TEX11: variants seen among roughly 807,000 people sequenced by gnomAD.
TEX11 encodes the protein testis expressed 11, also known as testis-expressed protein 11.
In TEX11, 7 loss-of-function variants were observed where a neutral mutation model predicts 84.4. That is an observed-to-expected ratio of 0.08 (90% CI 0.05 to 0.16). The LOEUF is 0.16. TEX11 is among the 10% of genes least tolerant of loss of function. The probability of loss-of-function intolerance (pLI) is 1.00; values close to 1 mark genes in which losing one functional copy is unlikely to be tolerated. For missense variants in TEX11, 551 were observed against 660.5 expected (o/e 0.83, Z 1.82); for synonymous variants, 264 against 222.8 (o/e 1.18, Z -1.64).
intron 20 of TEX11, among the ~76,000 whole-genome samples, chrX:70,615,126 G>T (rs1338755695): frequency 3.6e-5 from 4 of 110,777 alleles, no homozygotes; most frequent in Non-Finnish European, 7.5e-5. Context: ...TAATTATTCA[G>T]TGCCCAGATA....
intron 4 of TEX11, among the ~76,000 whole-genome samples, chrX:70,861,269 G>A (rs1190810142): frequency 1.7e-4 from 18 of 106,333 alleles, no homozygotes; most frequent in Non-Finnish European, 3.1e-4. Context: ...CACCGTTTTA[G>A]CCGGGATGGT....
chrX:70,671,910 T>TATATATATATATACACAC lies in TEX11; in HGVS notation c.1243-1397_1243-1396insGTGTGTATATATATATAT, dbSNP rs57166359. 9.4e-3 allele frequency among the ~76,000 whole-genome samples: 637 copies of TATATATATATATACACAC among 67,759 alleles called. 11 individuals are homozygous for TATATATATATATACACAC. Among genetic ancestry groups the TATATATATATATACACAC allele is most frequent in the Non-Finnish European group, 0.016 (551 of 35,189 alleles). The allele number at this position is 67,759 out of a possible 115,157, so 58.8% of individuals were successfully genotyped here. On this transcript the variant is annotated intron_variant, in intron 15 of 29. Transcript: ENST00000374333. ...ATATATATATATATATATATATATA[T>TATATATATATATACACAC]ACACACACACATAGCTAAAACCATC...
intron 7 of TEX11, among the ~76,000 whole-genome samples, chrX:70,850,635 G>A (rs1031835778): frequency 4.6e-5 from 5 of 109,886 alleles, no homozygotes; most frequent in Non-Finnish European, 9.5e-5. Context: ...TACACCCATA[G>A]TCTTACCTAC....
chrX:70,593,030 G>C (rs1178888980), intron 24 of TEX11, among the ~76,000 whole-genome samples: 1 of 106,449 alleles, frequency 9.4e-6, no homozygotes, highest in African/African-American at 3.4e-5. Flanking sequence ...ACAGGCTGTG[G>C]GGCAATTTAT....
At chrX:70,819,577 C>T (rs989087522) in intron 8 of TEX11, among the ~76,000 whole-genome samples, 3 of 110,503 alleles carry the variant, frequency 2.7e-5, no homozygotes, top group Non-Finnish European at 5.7e-5. Context: ...ACTAGAAGTC[C>T]CAGCAACAGC....
chrX:70,865,703 G>A (rs1428864878), intron 4 of TEX11, among the ~76,000 whole-genome samples: 1 of 112,106 alleles, frequency 8.9e-6, no homozygotes, highest in Non-Finnish European at 1.9e-5. Context: ...TCAGAACACA[G>A]TGCAATCAAA....
intron 5 of TEX11, among the ~76,000 whole-genome samples, chrX:70,859,531 G>T (rs1317269670): frequency 1.1e-5 from 1 of 90,064 alleles, no homozygotes; most frequent in Non-Finnish European, 2.1e-5. Flanking sequence ...GCAGTGAGCC[G>T]AGAACACACC....
rs368129710 is a variant in TEX11, at chrX:70,834,604, CAAACA to C, written c.526-1016_526-1012del. ...AATCCCGTCTCTACCAAAAAACAAA[CAAACA>C]AAACAAAACAAAACAAAACAAAACA... On this transcript the variant is annotated intron_variant, in intron 7 of 29. Transcript: ENST00000374333. Among the ~76,000 whole-genome samples, 851 of 108,658 alleles carry C rather than the reference CAAACA, an allele frequency of 7.8e-3. 8 individuals carry two copies. Among genetic ancestry groups the C allele is most frequent in the African/African-American group, 0.026 (780 of 29,554 alleles). The allele number at this position is 108,658 out of a possible 115,157, so 94.4% of individuals were successfully genotyped here.
At chrX:70,695,684 G>A (rs778741086) in intron 13 of TEX11, among the ~76,000 whole-genome samples, 2 of 111,745 alleles carry the variant, frequency 1.8e-5, no homozygotes, top group East Asian at 5.6e-4. Context: ...GCATTTCTTT[G>A]CATAATTGCT....
intron 8 of TEX11, among the ~76,000 whole-genome samples, chrX:70,808,107 C>CAAAAAAAAAAAAAAAAAA (rs549201546): frequency 1.5e-4 from 5 of 32,609 alleles, no homozygotes; most frequent in African/African-American, 7.2e-4. Context: ...GACTCTGTCT[C>CAAAAAAAAAAAAAAAAAA]AAAAAAAAAA....
At chrX:70,646,299 C>T (rs2089741429) in intron 17 of TEX11, among the ~76,000 whole-genome samples, 1 of 112,054 alleles carries the variant, frequency 8.9e-6, no homozygotes, top group African/African-American at 3.2e-5. Context: ...AAACGTAAGA[C>T]ATGAAACTGT....
chrX:70,572,071 G>T (rs2088606849), intron 25 of TEX11, among the ~76,000 whole-genome samples: 1 of 110,054 alleles, frequency 9.1e-6, no homozygotes, highest in South Asian at 3.9e-4. Context: ...GCAACCTACA[G>T]AATGGGAGAT....
chrX:70,725,829 C>T (rs754900685), intron 11 of TEX11, among the ~76,000 whole-genome samples: 1 of 111,828 alleles, frequency 8.9e-6, no homozygotes, highest in East Asian at 2.8e-4. Flanking sequence ...GTGATCTTCC[C>T]GGTTCCACTT....
In TEX11 at chrX:70,653,016, CA is replaced by C. The variant is rs762129665; in HGVS notation, c.1381-1465del. Among the ~76,000 whole-genome samples, 29 of 111,549 alleles carry C rather than the reference CA, an allele frequency of 2.6e-4. No individual in the cohort carries two copies. The East Asian group carries it at 7.5e-3, about 29-fold the overall frequency. On this transcript the variant is annotated intron_variant, in intron 16 of 29. Transcript: ENST00000374333. Reference sequence around the variant, plus strand: ...CCACATGTAAAAAAGTAGAGCTAGACACAGACCATAAACCTCTCACAAAAAT... The same window carrying C: ...CCACATGTAAAAAAGTAGAGCTAGACCAGACCATAAACCTCTCACAAAAAT...
chrX:70,816,578 G>T (rs2091287306), intron 8 of TEX11, among the ~76,000 whole-genome samples: 1 of 110,246 alleles, frequency 9.1e-6, no homozygotes, highest in Non-Finnish European at 1.9e-5. Flanking sequence ...CAGGCACAAT[G>T]GGTCATGTCT....
At chrX:70,615,617 C>A in intron 20 of TEX11, among the ~76,000 whole-genome samples, 1 of 111,771 alleles carries the variant, frequency 8.9e-6, no homozygotes, top group Non-Finnish European at 1.9e-5. Flanking sequence ...TAGAAAGTTT[C>A]TTAAAGGGAT....
At chrX:70,907,710 A>G (rs746329335) in intron 2 of TEX11, 43 bp downstream of exon 2, 4 of 1,023,094 alleles carry the variant, frequency 3.9e-6, no homozygotes, top group Non-Finnish European at 5.5e-6. Flanking sequence ...ATCTTAAAGC[A>G]GCAGTTTGAC....
chrX:70,599,906 A>T (rs2147510942), intron 24 of TEX11, among the ~76,000 whole-genome samples: 1 of 107,563 alleles, frequency 9.3e-6, no homozygotes, highest in African/African-American at 3.4e-5. Context: ...CATTTTCTTA[A>T]TCCAGTCTAT....
chrX:70,667,404 G>C (rs1033449354), intron 16 of TEX11, among the ~76,000 whole-genome samples: 1 of 111,995 alleles, frequency 8.9e-6, no homozygotes, highest in African/African-American at 3.3e-5. Context: ...TGTCCATGTG[G>C]ATAAAGGTTT....
Sources: allele counts gnomAD v4.1 joint callset (sites outside exome capture counted in the v4.1 genomes callset), GRCh38; gene constraint gnomAD v4.1.1; transcripts MANE v1.5; gene names NCBI Gene and HGNC (gene_info 2026-07-23, HGNC 2026-07-21).